The following IFNGR2 variants were observed in gnomAD, a reference collection of about 807,000 sequenced individuals.
IFNGR2 encodes the protein IFN-gamma receptor 2.
In IFNGR2, 15 loss-of-function variants were observed where a neutral mutation model predicts 41.1. The ratio of observed to expected loss-of-function variants is 0.37; its 90% CI spans 0.24 to 0.56. IFNGR2 has a LOEUF of 0.56. Ranked by LOEUF, IFNGR2 falls within the 20% of genes least tolerant of loss-of-function variation. The probability of loss-of-function intolerance (pLI) is 0.81; values close to 1 mark genes in which losing one functional copy is unlikely to be tolerated. For missense variants in IFNGR2, 362 were observed against 415.7 expected, an observed-to-expected ratio of 0.87 and a Z score of 1.12; for synonymous variants, 161 against 171.6, an observed-to-expected ratio of 0.94 and a Z score of 0.48.
At chr21:33,411,714 T>C in intron 1 of IFNGR2, 1 of 277,866 alleles carries the variant, frequency 3.6e-6, no homozygotes, top group Non-Finnish European at 7.3e-6. Flanking sequence ...CGGCCAACCT[T>C]GCTGGAGGAA....
intron 2 of IFNGR2, among the ~76,000 whole-genome samples, chr21:33,420,032 G>T (rs1039839794): frequency 6.6e-6 from 1 of 152,114 alleles, no homozygotes; most frequent in Non-Finnish European, 1.5e-5. Flanking sequence ...CGTGGTTTGC[G>T]ATCCCTCTCC....
At chr21:33,403,918 G>A (rs543166153) in intron 1 of IFNGR2, among the ~76,000 whole-genome samples, 5 of 152,250 alleles carry the variant, frequency 3.3e-5, no homozygotes, top group South Asian at 4.1e-4. Context: ...CAGGAAGACG[G>A]GGGGCACCCC....
intron 6 of IFNGR2, among the ~76,000 whole-genome samples, chr21:33,433,911 T>C (rs2284554): frequency 0.59 from 88,846 of 151,688 alleles, 28,067 homozygotes; most frequent in East Asian, 0.83. Context: ...TCCAGGGAAG[T>C]GGCCTGGCTG....
chr21:33,433,231 G>GCA (rs1457901308), intron 6 of IFNGR2, among the ~76,000 whole-genome samples: 4 of 152,104 alleles, frequency 2.6e-5, no homozygotes, highest in Non-Finnish European at 4.4e-5. Context: ...ACTGCCCCTG[G>GCA]CAACCCCTAA....
chr21:33,427,062 T>A lies in IFNGR2; in HGVS notation c.561+30T>A, dbSNP rs190049250. 141 of 1,597,036 alleles carry A rather than the reference T, an allele frequency of 8.8e-5. No homozygotes were observed. In the Admixed American group the frequency reaches 2.4e-3, roughly 27 times the overall value. Reference sequence around the variant, plus strand: ...GAGCATCTTTCTTTTTTGTTTGGATTTTCTTTTCTTTGCAGTTTCTGGCTT... The same window carrying A: ...GAGCATCTTTCTTTTTTGTTTGGATATTCTTTTCTTTGCAGTTTCTGGCTT... On this transcript the variant is annotated intron_variant, in intron 4 of 6. Transcript: ENST00000290219.
intron 1 of IFNGR2, among the ~76,000 whole-genome samples, chr21:33,409,913 C>T (rs1406578559): frequency 6.6e-6 from 1 of 152,096 alleles, no homozygotes; most frequent in Admixed American, 6.6e-5. Context: ...AAAGAATTCC[C>T]TCTCAGGAAT....
chr21:33,403,667 GTGGGGGC>G, intron 1 of IFNGR2, 51 bp downstream of exon 1: 1 of 1,234,722 alleles, frequency 8.1e-7, no homozygotes, highest in Non-Finnish European at 1.0e-6. Flanking sequence ...GCCGCAGCAT[GTGGGGGC>G]TGGGGGACTC....
intron 3 of IFNGR2, among the ~76,000 whole-genome samples, chr21:33,423,772 C>T (rs185946401): frequency 2.0e-5 from 3 of 151,490 alleles, no homozygotes; most frequent in Non-Finnish European, 2.9e-5. Flanking sequence ...GTGGGAGGAT[C>T]GCTTGAGCTC....
At chr21:33,406,265 A>T (rs982876438) in intron 1 of IFNGR2, among the ~76,000 whole-genome samples, 86 of 151,836 alleles carry the variant, frequency 5.7e-4, no homozygotes, top group African/African-American at 1.9e-3. Context: ...AATCCCAGCT[A>T]CCTGGGAGGC....
At chr21:33,430,047 G>A (rs2083872329) in intron 4 of IFNGR2, among the ~76,000 whole-genome samples, 1 of 152,156 alleles carries the variant, frequency 6.6e-6, no homozygotes, top group Non-Finnish European at 1.5e-5. Context: ...GCTGAGGCAG[G>A]AGAATTGCTT....
chr21:33,428,732 G>A (rs183880435), intron 4 of IFNGR2, among the ~76,000 whole-genome samples: 36 of 152,346 alleles, frequency 2.4e-4, no homozygotes, highest in African/African-American at 8.2e-4. Context: ...ATACGGTGCC[G>A]GAAATGCAAG....
At chr21:33,421,057 C>T (rs1043755747) in intron 2 of IFNGR2, among the ~76,000 whole-genome samples, 10 of 151,936 alleles carry the variant, frequency 6.6e-5, no homozygotes, top group African/African-American at 2.4e-4. Flanking sequence ...ATTAACCAGG[C>T]ATGATGGTGC....
intron 2 of IFNGR2, among the ~76,000 whole-genome samples, chr21:33,418,787 T>C (rs569745511): frequency 1.3e-5 from 2 of 152,156 alleles, no homozygotes; most frequent in East Asian, 1.9e-4. Context: ...ATCTGGACTT[T>C]TCACTTAGAA....
intron 2 of IFNGR2, among the ~76,000 whole-genome samples, chr21:33,419,774 GT>G (rs2083778988): frequency 6.6e-6 from 1 of 152,162 alleles, no homozygotes; most frequent in Non-Finnish European, 1.5e-5. Context: ...CTTACTTAAT[GT>G]TTTTGTGAGT....
chr21:33,427,095 G>T (rs2083845015), intron 4 of IFNGR2, 63 bp downstream of exon 4: 2 of 1,442,794 alleles, frequency 1.4e-6, no homozygotes, highest in South Asian at 1.1e-5. Context: ...CTTAGCAAAA[G>T]AAAGAAACCT....
chr21:33,404,587 C>A (rs2083664232), intron 1 of IFNGR2, among the ~76,000 whole-genome samples: 1 of 152,082 alleles, frequency 6.6e-6, no homozygotes, highest in African/African-American at 2.4e-5. Flanking sequence ...ATTGGCCACG[C>A]CTGGCCAATT....
Position 33,437,022 on chromosome 21 carries a change from A to G in IFNGR2, c.*60A>G. The G allele has an allele frequency of 1.9e-6, 3 of 1,588,386 alleles. No individual in the cohort carries two copies. The highest frequency in any genetic ancestry group is 1.7e-6 in the Non-Finnish European group (2 of 1,157,970). On this transcript the variant is annotated 3_prime_UTR_variant, in exon 7 of 7. Transcript: ENST00000290219. ...AAGAGATCAAGCCATCGGAGCTGCT[A>G]GAGTTCTGTCTGGACTTTCCAGAGA...
intron 4 of IFNGR2, among the ~76,000 whole-genome samples, chr21:33,428,113 G>A (rs1164264756): frequency 6.6e-6 from 1 of 151,992 alleles, no homozygotes; most frequent in African/African-American, 2.4e-5. Context: ...GCGAATCACT[G>A]GCAGAGCAGA....
At chr21:33,406,739 T>C (rs1409866184) in intron 1 of IFNGR2, among the ~76,000 whole-genome samples, 1 of 151,430 alleles carries the variant, frequency 6.6e-6, no homozygotes, top group Admixed American at 6.6e-5. Context: ...TCTCAACCTC[T>C]TGGGCTCAAG....
Sources: allele counts gnomAD v4.1 joint callset (sites outside exome capture counted in the v4.1 genomes callset), GRCh38; gene constraint gnomAD v4.1.1; transcripts MANE v1.5; gene names NCBI Gene and HGNC (gene_info 2026-07-23, HGNC 2026-07-21).